Variants in SNAPC4 observed in about 807,000 individuals in gnomAD.
SNAPC4 encodes small nuclear RNA activating complex polypeptide 4.
Under a neutral mutation model 151.3 loss-of-function variants are expected in SNAPC4, and 127 were observed. The ratio of observed to expected loss-of-function variants is 0.84; its 90% confidence interval spans 0.73 to 0.97. The LOEUF is 0.97. Ranked by LOEUF, SNAPC4 falls within the 50% of genes least tolerant of loss-of-function variation. The pLI is 0.00. For missense variants in SNAPC4, 2,186 were observed against 1,935.0 expected, an observed-to-expected ratio of 1.13 and a Z score of -2.43; for synonymous variants, 1,002 against 824.4, an observed-to-expected ratio of 1.22 and a Z score of -3.69.
chr9:136,399,809 C>T (rs1261251155), intron 1 of SNAPC4, among the ~76,000 whole-genome samples: 1 of 152,218 alleles, frequency 6.6e-6, no homozygotes, highest in East Asian at 1.9e-4. Flanking sequence ...CTGGGGAAAC[C>T]CCCTCCGAGG....
rs774381653 is a variant in SNAPC4, at chr9:136,378,037, G to A, written c.3790C>T (p.Pro1264Ser). ...CCCAGGTCCAGGGCCCCCTTCTCAGGCCCAGGCTGGGGTAGGGGCGGCTTC... is the reference window on the plus strand; with the variant it reads ...CCCAGGTCCAGGGCCCCCTTCTCAGACCCAGGCTGGGGTAGGGGCGGCTTC... ...LEKPPLPQPGPEKGALDLGLL... is the reference protein window; with the variant it reads ...LEKPPLPQPGSEKGALDLGLL... Residue 1264 changes from proline (P) to serine (S), a missense_variant, in exon 22 of 24, where the codon CCT (proline) becomes TCT (serine). Physicochemically the swap from Pro to Ser is moderately conservative, Grantham distance 74. Coordinates refer to ENST00000684778, the MANE Select transcript of SNAPC4 (RefSeq NM_003086.4). The A allele has an allele frequency of 8.8e-6, 14 of 1,586,852 alleles. No homozygotes were observed. The African/African-American group carries it at 1.2e-4, about 14-fold the overall frequency.
chr9:136,398,256 T>C, intron 2 of SNAPC4, 43 bp downstream of exon 2: 2 of 1,579,870 alleles, frequency 1.3e-6, no homozygotes, highest in South Asian at 2.3e-5. Flanking sequence ...GCAGACCAGC[T>C]GTTCTTACCA....
At position 136,383,860 on chromosome 9, in the gene SNAPC4, C is replaced by T. The variant is rs758049662; in HGVS notation, c.1500+93G>A. The T allele has an allele frequency of 7.5e-5, 99 of 1,321,222 alleles. No individual in the cohort carries two copies. The highest frequency in any genetic ancestry group is 9.9e-5 in the Non-Finnish European group (92 of 928,664). The allele number at this position is 1,321,222 out of a possible 1,614,324, so 81.8% of individuals were successfully genotyped here. ...AGAAATGCCAAGACCAGAAACCGAA[C>T]GCCCCCCTCCCCTCCCCTCCTCCTG... On this transcript the variant is annotated intron_variant, in intron 15 of 23. Transcript: ENST00000684778. The surrounding 1 kb of genome is among the most constrained non-coding windows in gnomAD (Gnocchi z 4.2).
rs1834227694 is a variant in SNAPC4, at chr9:136,395,334, G to A, written c.435C>T (p.Phe145=). The A allele has an allele frequency of 6.2e-6, 10 of 1,613,496 alleles. No homozygotes were observed. Among genetic ancestry groups the A allele is most frequent in the Non-Finnish European group, 8.5e-6 (10 of 1,179,988 alleles). ...CCTTGTCCTTGAAATACGGCTTCAT[G>A]AAGTGCCCCATGTATGTGCTTGGGG... ...SLPPSTYMGH[F]MKPYFKDKVT... Residue 145 remains phenylalanine, a synonymous_variant, in exon 5 of 24, where the codon TTC becomes TTT. Coordinates refer to ENST00000684778, the MANE Select transcript of SNAPC4 (RefSeq NM_003086.4).
chr9:136,387,509 C>A lies in SNAPC4; in HGVS notation c.1301G>T (p.Arg434Met), dbSNP rs78878865. The change falls in exon 13 of 24, where the codon AGG (arginine) becomes ATG (methionine). Residue 434 changes from arginine (R) to methionine (M), a missense_variant. Transcript: ENST00000684778. ...WFKIREEVPG[R>M]SDAQCRDRYL... ...CCGATCTCGGCACTGGGCATCGCTCCTACCTGGCACCTCTTCCCGGATTTT... is the reference window on the plus strand; with the variant it reads ...CCGATCTCGGCACTGGGCATCGCTCATACCTGGCACCTCTTCCCGGATTTT... The A allele has an allele frequency of 6.2e-7, 1 of 1,613,774 alleles. No individual in the cohort carries two copies. Among genetic ancestry groups the A allele is most frequent in the Non-Finnish European group, 8.5e-7 (1 of 1,179,756 alleles).
At position 136,377,869 on chromosome 9, in the gene SNAPC4, G is replaced by T; in HGVS notation, c.3958C>A (p.His1320Asn). The change falls in exon 22 of 24, where the codon CAC becomes AAC. Residue 1320 changes from histidine to asparagine, a missense_variant. By Grantham distance (68) the His-to-Asn change is moderately conservative. Transcript: ENST00000684778. ...SLRALSGLLL[H>N]KKALEHKATS... ...GCCTTGTGCTCCAGGGCCTTCTTGT[G>T]GAGTAGGAGACCGGACAGAGCTCGC... 2 of 1,611,522 alleles carry T rather than the reference G, an allele frequency of 1.2e-6. No homozygotes were observed. The highest frequency in any genetic ancestry group is 1.7e-6 in the Non-Finnish European group (2 of 1,179,826).
intron 21 of SNAPC4, 93 bp downstream of exon 21, chr9:136,379,744 G>C: frequency 8.6e-7 from 1 of 1,162,072 alleles, no homozygotes; most frequent in South Asian, 1.3e-5. Context: ...TGCTGCTTGG[G>C]GGCTGTGGGT....
chr9:136,388,691 T>A lies in SNAPC4; in HGVS notation c.976-100A>T, dbSNP rs7852145. 4.2e-6 allele frequency: 6 copies of A among 1,427,838 alleles called. No individual in the cohort carries two copies. The African/African-American group carries it at 7.0e-5, about 17-fold the overall frequency. 88.4% of individuals were successfully genotyped at this position (1,427,838 alleles called of 1,614,324 possible). On this transcript the variant is annotated intron_variant, in intron 10 of 23. Coordinates refer to ENST00000684778, the MANE Select transcript of SNAPC4 (RefSeq NM_003086.4). ...GGGCACAGGTGGGCCCATGAGCCAC[T>A]GGGGTGACCCTTCTGCAGACCCCAG...
Position 136,395,284 on chromosome 9 carries a change from C to T in SNAPC4, c.471+14G>A. ...CAGAGCCTTGCCGACAAGAGCAGGG[C>T]CTCGGCCACTCACCACGCCCGTGAC... On this transcript the variant is annotated intron_variant, in intron 5 of 23. Transcript: ENST00000684778. 6.2e-7 allele frequency: 1 copy of T among 1,611,420 alleles called. No individual in the cohort carries two copies. The highest frequency in any genetic ancestry group is 8.5e-7 in the Non-Finnish European group (1 of 1,178,776).
rs1020338236 is a variant in SNAPC4, at chr9:136,392,986, G to A, written c.633-209C>T. Among the ~76,000 whole-genome samples, 5 of 152,202 alleles carry A rather than the reference G, an allele frequency of 3.3e-5. No individual in the cohort carries two copies. In the South Asian group the frequency reaches 1.0e-3, roughly 32 times the overall value. ...GGTGGGAAGGGCTGCAGTGTCTGCT[G>A]ACACAGAGGCTACCGCCTGCTGGCC... is the stretch of plus-strand genomic sequence containing the variant. On this transcript the variant is annotated intron_variant, in intron 7 of 23. Transcript: ENST00000684778.
intron 10 of SNAPC4, among the ~76,000 whole-genome samples, chr9:136,390,808 T>C (rs11789379): frequency 0.21 from 31,851 of 151,274 alleles, 3,687 homozygotes; most frequent in Admixed American, 0.27. Context: ...AAAATATACA[T>C]AGAAGAAAAA....
rs1326683067 is a variant in SNAPC4 at position 136,381,334 on chromosome 9, G to A, written c.2376C>T (p.Thr792=). The A allele has an allele frequency of 2.5e-6, 4 of 1,612,526 alleles. No homozygotes were observed. Among genetic ancestry groups the A allele is most frequent in the Admixed American group, 1.7e-5 (1 of 60,006 alleles). The part of the protein sequence containing the change: ...QARLASTPVF[T]LFTQLFHIDT... Reference sequence around the variant, plus strand: ...CCAAGTAGCTTACCTGGGTAAACAGGGTAAACACAGGGGTGCTGGCCAGGC... The same window carrying A: ...CCAAGTAGCTTACCTGGGTAAACAGAGTAAACACAGGGGTGCTGGCCAGGC... The change falls in exon 19 of 24, where the codon ACC becomes ACT. Residue 792 remains threonine, a synonymous_variant. Transcript: ENST00000684778.
chr9:136,388,654 C>T (rs561302486), intron 10 of SNAPC4, 63 bp from the exon 11 acceptor site: 4 of 1,601,538 alleles, frequency 2.5e-6, no homozygotes, highest in Non-Finnish European at 3.4e-6. Flanking sequence ...AGATCTGGCT[C>T]TGAGTGCCCC....
At chr9:136,397,126 G>T (rs1020033716) in intron 2 of SNAPC4, 103 bp from the exon 3 acceptor site, 1 of 1,016,790 alleles carries the variant, frequency 9.8e-7, no homozygotes, top group Non-Finnish European at 1.6e-6. Flanking sequence ...TTGTGAGGTA[G>T]TGACAGCGCC....
intron 6 of SNAPC4, 145 bp downstream of exon 6, chr9:136,394,655 G>A (rs1319952576): frequency 1.8e-5 from 13 of 714,098 alleles, no homozygotes; most frequent in South Asian, 1.1e-4. Context: ...GGAGTCAAGG[G>A]GCCAGTCCCA....
At chr9:136,394,191 A>C in intron 7 of SNAPC4, 58 bp downstream of exon 7, 1 of 1,377,380 alleles carries the variant, frequency 7.3e-7, no homozygotes, top group Non-Finnish European at 1.0e-6. Context: ...CTGGGATTCC[A>C]GGCATGAGCC....
chr9:136,386,146 CTTT>C (rs34717778), intron 13 of SNAPC4, among the ~76,000 whole-genome samples: 3 of 145,338 alleles, frequency 2.1e-5, no homozygotes, highest in Non-Finnish European at 3.0e-5. Context: ...AACACGGTGA[CTTT>C]TTTTTTTTTT....
Position 136,394,233 on chromosome 9 carries a change from A to T in SNAPC4, c.632+16T>A, listed in dbSNP as rs1834180000. The T allele has an allele frequency of 6.3e-7, 1 of 1,595,632 alleles. No homozygotes were observed. Among genetic ancestry groups the T allele is most frequent in the African/African-American group, 1.4e-5 (1 of 73,280 alleles). On this transcript the variant is annotated intron_variant, in intron 7 of 23. Transcript: ENST00000684778. ...CCAGCCTGAAGACCGTTTTTGACTT[A>T]TGGTTTTAGACTTACTTCAGTAACT...
At position 136,383,281 on chromosome 9, in the gene SNAPC4, C is replaced by T. The variant is rs765163092; in HGVS notation, c.1888G>A (p.Val630Ile). The T allele has an allele frequency of 3.1e-6, 5 of 1,612,048 alleles. No homozygotes were observed. Among genetic ancestry groups the T allele is most frequent in the Non-Finnish European group, 4.2e-6 (5 of 1,179,698 alleles). The change falls in exon 16 of 24, where the codon GTC becomes ATC. Residue 630 changes from valine (V) to isoleucine (I), a missense_variant. Val to Ile is a conservative substitution (Grantham distance 29). Coordinates refer to ENST00000684778, the MANE Select transcript of SNAPC4 (RefSeq NM_003086.4). This position sits in a 1 kb window ranked among gnomAD's most constrained non-coding sequence, Gnocchi z 4.2. ...APGEETSPVQ[V>I]PARAHGPVPR... ...ACAGGGCCGTGGGCCCTGGCAGGGA[C>T]CTGCACCGGACTCGTCTCCTCTCCA...
Sources: gnomAD v4.1 joint callset for allele counts (sites outside exome capture counted in the v4.1 genomes callset) on GRCh38, gnomAD v4.1.1 for gene constraint, Gnocchi (gnomAD v3.1) non-coding constraint, MANE v1.5 for transcripts, NCBI Gene and HGNC (gene_info 2026-07-23, HGNC 2026-07-21) for gene names.